The following PIN1 variants were observed in gnomAD, a reference collection of about 807,000 sequenced individuals.
PIN1 encodes the protein peptidyl-prolyl cis-trans isomerase NIMA-interacting 1.
A neutral mutation model predicts 19.9 loss-of-function variants in PIN1; 8 were observed. The observed-to-expected ratio is 0.40, with a 90% CI of 0.24 to 0.72. The LOEUF (loss-of-function observed/expected upper bound fraction) is 0.72, where lower values mean the gene tolerates loss of function less well. PIN1 is among the 30% of genes least tolerant of loss of function. The probability of loss-of-function intolerance (pLI) is 0.37; values close to 1 mark genes in which losing one functional copy is unlikely to be tolerated. For missense variants in PIN1, 185 were observed against 226.5 expected (o/e 0.82, Z 1.18); for synonymous variants, 86 against 90.8 (o/e 0.95, Z 0.30).
At position 9,848,151 on chromosome 19, in the gene PIN1, A is replaced by G; in HGVS notation, c.382+11A>G. The stretch of plus-strand genomic sequence containing the variant: ...GTGCCTTCAGCAGAGGTGCGCAAGG[A>G]ATGGGCCTCACCAGGTTGGGGGACC... On this transcript the variant is annotated intron_variant, in intron 3 of 3. Transcript: ENST00000247970. The G allele has an allele frequency of 6.6e-7, 1 of 1,516,934 alleles. No individual in the cohort carries two copies. Among genetic ancestry groups the G allele is most frequent in the Non-Finnish European group, 9.2e-7 (1 of 1,091,440 alleles). The allele number at this position is 1,516,934 out of a possible 1,614,324, so 94.0% of individuals were successfully genotyped here.
chr19:9,849,281 C>T lies in PIN1; in HGVS notation c.*82C>T, dbSNP rs549785418. On this transcript the variant is annotated 3_prime_UTR_variant, in exon 4 of 4. Coordinates refer to ENST00000247970, the MANE Select transcript of PIN1 (RefSeq NM_006221.4). Reference sequence around the variant, plus strand: ...TCCCCCTTGCCCGCCAGCCAGTGGCCGAACCCCCCACTCCCTGCCACCGTC... The same window carrying T: ...TCCCCCTTGCCCGCCAGCCAGTGGCTGAACCCCCCACTCCCTGCCACCGTC... The T allele has an allele frequency of 5.1e-5, 45 of 883,842 alleles. No individual in the cohort carries two copies. The highest frequency in any genetic ancestry group is 3.5e-4 in the South Asian group (25 of 72,104). 54.7% of individuals were successfully genotyped at this position (883,842 alleles called of 1,614,324 possible). A position where few individuals can be genotyped will look rare whatever the true frequency, so the allele number is the denominator to read the frequency against.
Position 9,849,369 on chromosome 19 carries a change from G to C in PIN1, c.*170G>C. The stretch of plus-strand genomic sequence containing the variant: ...GCCCTTCCAGATTGGGGGCCCTGGG[G>C]TCCCCACTCCCTGTCCATCCCCAGT... On this transcript the variant is annotated 3_prime_UTR_variant, in exon 4 of 4. Coordinates refer to ENST00000247970, the MANE Select transcript of PIN1 (RefSeq NM_006221.4). The C allele has an allele frequency of 1.4e-6, 1 of 711,990 alleles. No homozygotes were observed. Among genetic ancestry groups the C allele is most frequent in the Non-Finnish European group, 2.6e-6 (1 of 391,484 alleles). The allele number at this position is 711,990 out of a possible 1,614,324, so 44.1% of individuals were successfully genotyped here. A position where few individuals can be genotyped will look rare whatever the true frequency, so the allele number is the denominator to read the frequency against.
intron 2 of PIN1, among the ~76,000 whole-genome samples, chr19:9,847,376 A>G (rs913081509): frequency 3.3e-5 from 5 of 152,158 alleles, no homozygotes; most frequent in Non-Finnish European, 5.9e-5. Context: ...GAGTTCTGCC[A>G]GCATGCAGAC....
chr19:9,848,231 G>A (rs1460731927), intron 3 of PIN1, 91 bp downstream of exon 3: 11 of 758,000 alleles, frequency 1.5e-5, no homozygotes, highest in Non-Finnish European at 2.3e-5. Flanking sequence ...GCTCCCAGGT[G>A]CCACACCGGC....
chr19:9,843,444 C>T (rs1194294162), intron 2 of PIN1, among the ~76,000 whole-genome samples: 2 of 152,284 alleles, frequency 1.3e-5, no homozygotes, highest in Non-Finnish European at 2.9e-5. Flanking sequence ...GGAGACAGCA[C>T]GTCTTGAAAC....
At chr19:9,849,032 T>G (rs2046248499) in intron 3 of PIN1, 58 bp from the exon 4 acceptor site, 2 of 1,140,658 alleles carry the variant, frequency 1.8e-6, no homozygotes, top group Non-Finnish European at 2.6e-6. Flanking sequence ...CCGCCCTGCC[T>G]CATCCTGGCC....
chr19:9,849,355 T>C lies in PIN1; in HGVS notation c.*156T>C, dbSNP rs781528786. 1.7e-4 allele frequency: 121 copies of C among 716,140 alleles called. No individual in the cohort carries two copies. Among genetic ancestry groups the C allele is most frequent in the Admixed American group, 2.4e-4 (12 of 50,080 alleles). 44.4% of individuals were successfully genotyped at this position (716,140 alleles called of 1,614,324 possible). ...ATGGCTGGGAGGGGGCCCTTCCAGA[T>C]TGGGGGCCCTGGGGTCCCCACTCCC... On this transcript the variant is annotated 3_prime_UTR_variant, in exon 4 of 4. Coordinates refer to ENST00000247970, the MANE Select transcript of PIN1 (RefSeq NM_006221.4).
chr19:9,849,239 C>A lies in PIN1; in HGVS notation c.*40C>A. On this transcript the variant is annotated 3_prime_UTR_variant, in exon 4 of 4. Coordinates refer to ENST00000247970, the MANE Select transcript of PIN1 (RefSeq NM_006221.4). ...GGCCTGGCCTCGGGGCAGGGCAGGGCGGCTAGGCCGGCCAGCTCCCCCTTG... is the reference window on the plus strand; with the variant it reads ...GGCCTGGCCTCGGGGCAGGGCAGGGAGGCTAGGCCGGCCAGCTCCCCCTTG... The A allele has an allele frequency of 2.2e-6, 3 of 1,381,320 alleles. No homozygotes were observed. The highest frequency in any genetic ancestry group is 1.8e-4 in the Middle Eastern group (1 of 5,682). 85.6% of individuals were successfully genotyped at this position (1,381,320 alleles called of 1,614,324 possible).
intron 1 of PIN1, chr19:9,836,759 A>C: frequency 9.7e-5 from 106 of 1,091,318 alleles, no homozygotes; most frequent in Non-Finnish European, 1.2e-4. Context: ...AGCTAAGAGC[A>C]GAGCTTTCGG....
intron 2 of PIN1, among the ~76,000 whole-genome samples, chr19:9,841,364 C>CCACACA (rs2046164435): frequency 2.0e-5 from 3 of 152,198 alleles, no homozygotes; most frequent in African/African-American, 7.2e-5. Context: ...GGCCCAGAGT[C>CCACACA]AGCCCTCACA....
In PIN1 at chr19:9,849,133, G is replaced by C. The variant is rs1381913494; in HGVS notation, c.426G>C (p.Arg142=). The part of the protein sequence containing the change: ...KPFEDASFAL[R]TGEMSGPVFT... ...TTGAAGACGCCTCGTTTGCGCTGCG[G>C]ACGGGGGAGATGAGCGGGCCCGTGT... The change falls in exon 4 of 4, where the codon CGG becomes CGC. Residue 142 remains arginine, a synonymous_variant. Transcript: ENST00000247970. 3 of 1,613,946 alleles carry C rather than the reference G, an allele frequency of 1.9e-6. No homozygotes were observed. Among genetic ancestry groups the C allele is most frequent in the East Asian group, 2.2e-5 (1 of 44,866 alleles).
intron 2 of PIN1, among the ~76,000 whole-genome samples, chr19:9,843,289 C>T (rs904805281): frequency 6.6e-6 from 1 of 152,252 alleles, no homozygotes; most frequent in African/African-American, 2.4e-5. Flanking sequence ...TGGCCTTGGG[C>T]CAGCCTCTAG....
chr19:9,849,556 C>T lies in PIN1; in HGVS notation c.*357C>T, dbSNP rs377091474. On this transcript the variant is annotated 3_prime_UTR_variant, in exon 4 of 4. Transcript: ENST00000247970. ...AGGTGCTGGAGGCAGACTCGAGGGC[C>T]GAATTGTTTCTAGTTAGGCCACGCT... 30 of 589,674 alleles carry T rather than the reference C, an allele frequency of 5.1e-5. No homozygotes were observed. The highest frequency in any genetic ancestry group is 8.2e-5 in the Non-Finnish European group (25 of 306,142). The allele number at this position is 589,674 out of a possible 1,614,324, so 36.5% of individuals were successfully genotyped here.
At chr19:9,841,138 G>C (rs1311157664) in intron 2 of PIN1, among the ~76,000 whole-genome samples, 3 of 152,200 alleles carry the variant, frequency 2.0e-5, no homozygotes, top group Admixed American at 6.5e-5. Context: ...ACTTGGTCCA[G>C]TTGGCCTGTA....
chr19:9,837,637 T>G (rs986224126), intron 1 of PIN1: 4 of 155,338 alleles, frequency 2.6e-5, no homozygotes, highest in African/African-American at 9.6e-5. Flanking sequence ...AATGTTGGTT[T>G]GTTTGTTTGT....
chr19:9,848,329 G>C (rs556443316), intron 3 of PIN1, 189 bp downstream of exon 3: 1 of 603,828 alleles, frequency 1.7e-6, no homozygotes, highest in Non-Finnish European at 3.0e-6. Context: ...CACAGGGAGG[G>C]GGGCTGCAGC....
In PIN1 at chr19:9,838,258, G is replaced by A. The variant is rs1392234856; in HGVS notation, c.59-178G>A. On this transcript the variant is annotated intron_variant, in intron 1 of 3. Transcript: ENST00000247970. This position sits in a 1 kb window ranked among gnomAD's most constrained non-coding sequence, Gnocchi z 5.8. The stretch of plus-strand genomic sequence containing the variant: ...TGTTAGCTCTCTAAGGGCAGGGACT[G>A]TATCCTGCCACATTGGCCCACGTCT... 3.1e-5 allele frequency: 21 copies of A among 682,098 alleles called. 1 individual carries two copies. The highest frequency in any genetic ancestry group is 2.7e-4 in the South Asian group (17 of 62,270). The allele number at this position is 682,098 out of a possible 1,614,324, so 42.3% of individuals were successfully genotyped here.
In PIN1 at chr19:9,835,413, G is replaced by T; in HGVS notation, c.58+11G>T. On this transcript the variant is annotated intron_variant, in intron 1 of 3. Transcript: ENST00000247970. ...TGAGCCGCAGCTCAGGTGCCGCGGGGGTCGGGGCTGGGGCGGGACTGCGCG... is the reference window on the plus strand; with the variant it reads ...TGAGCCGCAGCTCAGGTGCCGCGGGTGTCGGGGCTGGGGCGGGACTGCGCG... 1 of 1,501,000 alleles carries T rather than the reference G, an allele frequency of 6.7e-7. No individual in the cohort carries two copies. The highest frequency in any genetic ancestry group is 8.8e-7 in the Non-Finnish European group (1 of 1,130,768). 93.0% of individuals were successfully genotyped at this position (1,501,000 alleles called of 1,614,324 possible).
intron 2 of PIN1, among the ~76,000 whole-genome samples, chr19:9,842,558 A>G (rs1216253876): frequency 6.6e-6 from 1 of 152,184 alleles, no homozygotes; most frequent in East Asian, 1.9e-4. Context: ...CAGCCCGTAG[A>G]AAGAGTTCCG....
Sources: allele counts gnomAD v4.1 joint callset (sites outside exome capture counted in the v4.1 genomes callset), GRCh38; gene constraint gnomAD v4.1.1; non-coding constraint Gnocchi (gnomAD v3.1); transcripts MANE v1.5; gene names NCBI Gene and HGNC (gene_info 2026-07-23, HGNC 2026-07-21).